The following SLC32A1 variants were observed in gnomAD, a reference collection of about 807,000 sequenced individuals.
SLC32A1 encodes the protein solute carrier family 32 member 1, also known as vesicular inhibitory amino acid transporter.
A neutral mutation model predicts 35.5 loss-of-function variants in SLC32A1; 8 were observed. That is an observed-to-expected ratio of 0.23 (90% confidence interval 0.13 to 0.41). The LOEUF is 0.41. SLC32A1 is among the 10% of genes least tolerant of loss of function. SLC32A1 has a pLI of 1.00. For missense variants in SLC32A1, 493 were observed against 722.3 expected (o/e 0.68, Z 3.64); for synonymous variants, 317 against 326.3 (o/e 0.97, Z 0.31).
rs2084290980 is a variant in SLC32A1 at position 38,729,304 on chromosome 20, A to G, written c.*665A>G. ...GTGAATAAGATGAAATGTATATCAGAAAAAAATCTATCTCTAATTTAGAGT... is the reference window on the plus strand; with the variant it reads ...GTGAATAAGATGAAATGTATATCAGGAAAAAATCTATCTCTAATTTAGAGT... On this transcript the variant is annotated 3_prime_UTR_variant, in exon 2 of 2. Coordinates refer to ENST00000217420, the MANE Select transcript of SLC32A1 (RefSeq NM_080552.3). 1 of 152,648 alleles carries G rather than the reference A, an allele frequency of 6.6e-6. No homozygotes were observed. Among genetic ancestry groups the G allele is most frequent in the African/African-American group, 2.4e-5 (1 of 41,456 alleles). The allele number at this position is 152,648 out of a possible 1,614,324, so 9.5% of individuals were successfully genotyped here.
rs2084274914 is a variant in SLC32A1, at chr20:38,726,069, A to G, written c.390+955A>G. 6.6e-6 allele frequency among the ~76,000 whole-genome samples: 1 copy of G among 151,920 alleles called. No homozygotes were observed. The highest frequency in any genetic ancestry group is 2.4e-5 in the African/African-American group (1 of 41,344). On this transcript the variant is annotated intron_variant, in intron 1 of 1. Transcript: ENST00000217420. The surrounding 1 kb of genome is among the most constrained non-coding windows in gnomAD (Gnocchi z 4.7). ...TATTCCTAACCCCCCACTCCCCACC[A>G]GGCGGCGCAGGACTCCTACATAGGG...
In SLC32A1 at chr20:38,724,820, T is replaced by G; in HGVS notation, c.96T>G (p.Gly32=). The G allele has an allele frequency of 1.2e-6, 2 of 1,613,874 alleles. No homozygotes were observed. The highest frequency in any genetic ancestry group is 8.5e-7 in the Non-Finnish European group (1 of 1,179,980). The change falls in exon 1 of 2, where the codon GGT becomes GGG. Residue 32 remains glycine (G), a synonymous_variant. Coordinates refer to ENST00000217420, the MANE Select transcript of SLC32A1 (RefSeq NM_080552.3). ...TGAGCGGCATGTTCGCCAGGATGGG[T>G]TTTCAGGCGGCCACGGATGAGGAGG... ...AKMSGMFARM[G]FQAATDEEAV... is the part of the protein sequence containing the mutation.
In SLC32A1 at chr20:38,725,120, C is replaced by A; in HGVS notation, c.390+6C>A. On this transcript the variant is annotated splice_donor_region_variant and intron_variant, in intron 1 of 1. Transcript: ENST00000217420. ...ACGTGACCAACGCCATCCAGGTAAG[C>A]GCGGGATTCCCAGTTCTGCCTGTCC... The A allele has an allele frequency of 6.6e-7, 1 of 1,507,204 alleles. No individual in the cohort carries two copies. The highest frequency in any genetic ancestry group is 8.9e-7 in the Non-Finnish European group (1 of 1,128,390). 93.4% of individuals were successfully genotyped at this position (1,507,204 alleles called of 1,614,324 possible). A position where few individuals can be genotyped will look rare whatever the true frequency, so the allele number is the denominator to read the frequency against.
Position 38,724,641 on chromosome 20 carries a change from T to C in SLC32A1, c.-84T>C. Reference sequence around the variant, plus strand: ...GGAGAGCAAGCGGAGATAGCGACTTTGCGCCCCCCAGCCCTCGCCTTCTTG... The same window carrying C: ...GGAGAGCAAGCGGAGATAGCGACTTCGCGCCCCCCAGCCCTCGCCTTCTTG... On this transcript the variant is annotated 5_prime_UTR_variant, in exon 1 of 2. Coordinates refer to ENST00000217420, the MANE Select transcript of SLC32A1 (RefSeq NM_080552.3). The C allele has an allele frequency of 2.0e-6, 3 of 1,492,954 alleles. No individual in the cohort carries two copies. Among genetic ancestry groups the C allele is most frequent in the Non-Finnish European group, 1.8e-6 (2 of 1,123,850 alleles). 92.5% of individuals were successfully genotyped at this position (1,492,954 alleles called of 1,614,324 possible).
Position 38,726,691 on chromosome 20 carries a change from C to T in SLC32A1, c.391-761C>T, listed in dbSNP as rs2084277450. ...TGCCTCCCCAGCCTCCACTTAGTCC[C>T]CTTCCTTAGGTCTCGCCCTCGCCTC... On this transcript the variant is annotated intron_variant, in intron 1 of 1. Transcript: ENST00000217420. The surrounding 1 kb of genome is among the most constrained non-coding windows in gnomAD (Gnocchi z 4.7). Among the ~76,000 whole-genome samples the T allele has an allele frequency of 6.6e-6, 1 of 152,154 alleles. No individual in the cohort carries two copies. Among genetic ancestry groups the T allele is most frequent in the African/African-American group, 2.4e-5 (1 of 41,450 alleles).
rs761411663 is a variant in SLC32A1 at position 38,724,685 on chromosome 20, C to G, written c.-40C>G. 1 of 1,547,396 alleles carries G rather than the reference C, an allele frequency of 6.5e-7. No homozygotes were observed. The highest frequency in any genetic ancestry group is 8.7e-7 in the Non-Finnish European group (1 of 1,149,802). Reference sequence around the variant, plus strand: ...CTTCTTGCATCGCGTTCCCCGCATCCTCGGGTCCTTCTGTCCTTTCCGCTG... The same window carrying G: ...CTTCTTGCATCGCGTTCCCCGCATCGTCGGGTCCTTCTGTCCTTTCCGCTG... On this transcript the variant is annotated 5_prime_UTR_variant, in exon 1 of 2. Transcript: ENST00000217420.
chr20:38,728,831 G>A lies in SLC32A1; in HGVS notation c.*192G>A. On this transcript the variant is annotated 3_prime_UTR_variant, in exon 2 of 2. Coordinates refer to ENST00000217420, the MANE Select transcript of SLC32A1 (RefSeq NM_080552.3). ...GGGATTCACGATCCATCGCGTCTGCGTTTCTGTTGTCCTTTCTTTTCCACA... is the reference window on the plus strand; with the variant it reads ...GGGATTCACGATCCATCGCGTCTGCATTTCTGTTGTCCTTTCTTTTCCACA... 1 of 594,582 alleles carries A rather than the reference G, an allele frequency of 1.7e-6. No individual in the cohort carries two copies. The highest frequency in any genetic ancestry group is 2.9e-6 in the Non-Finnish European group (1 of 345,312). The allele number at this position is 594,582 out of a possible 1,614,324, so 36.8% of individuals were successfully genotyped here.
intron 1 of SLC32A1, 74 bp downstream of exon 1, chr20:38,725,188 T>C: frequency 6.8e-7 from 1 of 1,477,086 alleles, no homozygotes; most frequent in Non-Finnish European, 9.0e-7. Flanking sequence ...CCCCCGACAG[T>C]CGCCCGGTGA....
Position 38,726,528 on chromosome 20 carries a change from C to T in SLC32A1, c.391-924C>T, listed in dbSNP as rs1313198815. On this transcript the variant is annotated intron_variant, in intron 1 of 1. Transcript: ENST00000217420. This position sits in a 1 kb window ranked among gnomAD's most constrained non-coding sequence, Gnocchi z 4.7. The stretch of plus-strand genomic sequence containing the variant: ...CGTAGGCCTCCGGGACCCTGGATTT[C>T]GTTAGCTCTTAGTCCCCGTGTGGAT... 6.6e-6 allele frequency among the ~76,000 whole-genome samples: 1 copy of T among 152,178 alleles called. No homozygotes were observed. Among genetic ancestry groups the T allele is most frequent in the African/African-American group, 2.4e-5 (1 of 41,436 alleles).
In SLC32A1 at chr20:38,726,223, G is replaced by A. The variant is rs2084275464; in HGVS notation, c.390+1109G>A. Among the ~76,000 whole-genome samples, 1 of 152,212 alleles carries A rather than the reference G, an allele frequency of 6.6e-6. No individual in the cohort carries two copies. Among genetic ancestry groups the A allele is most frequent in the Admixed American group, 6.5e-5 (1 of 15,292 alleles). On this transcript the variant is annotated intron_variant, in intron 1 of 1. Transcript: ENST00000217420. The surrounding 1 kb of genome is among the most constrained non-coding windows in gnomAD (Gnocchi z 4.7). ...TACAGCTTGGCCCCGCGGCGTCCCT[G>A]GAGCGCACTATCACTGGGGCCACGG...
Position 38,725,014 on chromosome 20 carries a change from G to T in SLC32A1, c.290G>T (p.Gly97Val). ...RGSGAPLPPS[G>V]SKDQVGGGGE... ...AGCGGAGCTCCTCTGCCGCCCTCCG[G>T]CTCCAAGGACCAGGTGGGAGGTGGT... Residue 97 changes from glycine (G) to valine (V), a missense_variant, in exon 1 of 2, where the codon GGC becomes GTC. Physicochemically the swap from Gly to Val is moderately radical, Grantham distance 109 (BLOSUM62 -3). Around this residue, in one of 4 missense-constraint regions of SLC32A1, gnomAD observed 133 missense variants for 145.9 expected, o/e 0.91. Transcript: ENST00000217420. 2 of 1,567,870 alleles carry T rather than the reference G, an allele frequency of 1.3e-6. No homozygotes were observed. Among genetic ancestry groups the T allele is most frequent in the Non-Finnish European group, 8.6e-7 (1 of 1,157,976 alleles).
In SLC32A1 at chr20:38,728,281, A is replaced by G; in HGVS notation, c.1220A>G (p.Lys407Arg). The G allele has an allele frequency of 6.2e-7, 1 of 1,613,658 alleles. No individual in the cohort carries two copies. The highest frequency in any genetic ancestry group is 8.5e-7 in the Non-Finnish European group (1 of 1,179,654). The part of the protein sequence containing the change: ...PFFAAVEVLE[K>R]SLFQEGSRAF... ...TTTGCCGCTGTCGAGGTGCTGGAGA[A>G]GTCGCTCTTCCAGGAAGGCAGCCGC... is the stretch of plus-strand genomic sequence containing the variant. Residue 407 changes from lysine (K) to arginine (R), a missense_variant, in exon 2 of 2, where the codon AAG becomes AGG. Coordinates refer to ENST00000217420, the MANE Select transcript of SLC32A1 (RefSeq NM_080552.3).
In SLC32A1 at chr20:38,728,591, C is replaced by G; in HGVS notation, c.1530C>G (p.His510Gln). 6.2e-7 allele frequency: 1 copy of G among 1,612,506 alleles called. No homozygotes were observed. Among genetic ancestry groups the G allele is most frequent in the Non-Finnish European group, 8.5e-7 (1 of 1,179,666 alleles). ...TCTGCAGCGTGTCCGGCTTCGTGCACTCCCTCGAGGGCCTCATCGAAGCCT... is the reference window on the plus strand; with the variant it reads ...TCTGCAGCGTGTCCGGCTTCGTGCAGTCCCTCGAGGGCCTCATCGAAGCCT... ...GGICSVSGFV[H>Q]SLEGLIEAYR... Residue 510 changes from histidine to glutamine, a missense_variant, in exon 2 of 2, where the codon CAC (histidine) becomes CAG (glutamine). Physicochemically the swap from His to Gln is conservative, Grantham distance 24. This residue lies in a region of SLC32A1 where 269 missense variants were observed against 445.6 expected (regional missense o/e 0.60). Transcript: ENST00000217420.
chr20:38,724,679 CG>C lies in SLC32A1; in HGVS notation c.-45del. The C allele has an allele frequency of 6.5e-7, 1 of 1,539,378 alleles. No individual in the cohort carries two copies. ...CCTCGCCTTCTTGCATCGCGTTCCC[CG>C]CATCCTCGGGTCCTTCTGTCCTTTC... On this transcript the variant is annotated 5_prime_UTR_variant, in exon 1 of 2. Coordinates refer to ENST00000217420, the MANE Select transcript of SLC32A1 (RefSeq NM_080552.3).
chr20:38,725,020 A>C lies in SLC32A1; in HGVS notation c.296A>C (p.Lys99Thr). ...GCTCCTCTGCCGCCCTCCGGCTCCA[A>C]GGACCAGGTGGGAGGTGGTGGCGAA... ...SGAPLPPSGSKDQVGGGGEFG... is the reference protein window; with the variant it reads ...SGAPLPPSGSTDQVGGGGEFG... Residue 99 changes from lysine to threonine, a missense_variant, in exon 1 of 2, where the codon AAG becomes ACG. This residue lies in a region of SLC32A1 where 133 missense variants were observed against 145.9 expected (regional missense o/e 0.91). Transcript: ENST00000217420. 6.4e-7 allele frequency: 1 copy of C among 1,564,908 alleles called. No individual in the cohort carries two copies. The highest frequency in any genetic ancestry group is 8.6e-7 in the Non-Finnish European group (1 of 1,156,566).
chr20:38,728,126 G>T lies in SLC32A1; in HGVS notation c.1065G>T (p.Ala355=), dbSNP rs766578261. ...CCTGCGTGCTCAAGGGCCTCTTCGC[G>T]CTCGTCGCCTACCTCACCTGGGCCG... ...IAACVLKGLF[A]LVAYLTWADE... The change falls in exon 2 of 2, where the codon GCG becomes GCT. Residue 355 remains alanine (A), a synonymous_variant. Coordinates refer to ENST00000217420, the MANE Select transcript of SLC32A1 (RefSeq NM_080552.3). The T allele has an allele frequency of 3.1e-6, 5 of 1,614,108 alleles. No individual in the cohort carries two copies. The highest frequency in any genetic ancestry group is 1.3e-5 in the African/African-American group (1 of 75,060).
At chr20:38,725,567 C>T (rs527465552) in intron 1 of SLC32A1, among the ~76,000 whole-genome samples, 56 of 152,218 alleles carry the variant, frequency 3.7e-4, no homozygotes, top group African/African-American at 1.3e-3. Context: ...GACACGCACA[C>T]GTATATAGGC....
rs550081947 is a variant in SLC32A1, at chr20:38,725,962, C to T, written c.390+848C>T. Among the ~76,000 whole-genome samples, 5 of 152,188 alleles carry T rather than the reference C, an allele frequency of 3.3e-5. No individual in the cohort carries two copies. In the East Asian group the frequency reaches 9.6e-4, roughly 29 times the overall value. On this transcript the variant is annotated intron_variant, in intron 1 of 1. Coordinates refer to ENST00000217420, the MANE Select transcript of SLC32A1 (RefSeq NM_080552.3). ...AAATCCCGGCTGCACCGCAAAGAGG[C>T]GGCCAGCTCCTCCCCGTGTGACCCT...
rs571009434 is a variant in SLC32A1, at chr20:38,727,012, G to A, written c.391-440G>A. Among the ~76,000 whole-genome samples the A allele has an allele frequency of 4.6e-5, 7 of 152,154 alleles. No homozygotes were observed. The East Asian group carries it at 1.4e-3, about 29-fold the overall frequency. On this transcript the variant is annotated intron_variant, in intron 1 of 1. Transcript: ENST00000217420. ...CACTCTTTCCACTGGCCCAGGCCCA[G>A]CTCACTACCTTTCTTAGAGCCCCTT...
Sources: gnomAD v4.1 joint callset for allele counts (sites outside exome capture counted in the v4.1 genomes callset) on GRCh38, gnomAD v4.1.1 for gene constraint, gnomAD v4.1.1 regional missense constraint, Gnocchi (gnomAD v3.1) non-coding constraint, MANE v1.5 for transcripts, NCBI Gene and HGNC (gene_info 2026-07-23, HGNC 2026-07-21) for gene names.